Variants in TXNDC16 observed in about 807,000 individuals in gnomAD.
The protein encoded by TXNDC16 is thioredoxin domain-containing protein 16.
Under a neutral mutation model 85.6 loss-of-function variants are expected in TXNDC16, and 74 were observed. The observed-to-expected ratio is 0.86, with a 90% confidence interval of 0.72 to 1.05. The LOEUF (loss-of-function observed/expected upper bound fraction) is 1.05, where lower values mean the gene tolerates loss of function less well. Among genes scored for constraint, TXNDC16 ranks in the 50% least tolerant of loss-of-function variants. The pLI is 0.00. For synonymous variants in TXNDC16, 335 were observed against 326.5 expected (o/e 1.03, Z -0.28); for missense variants, 959 against 947.0 (o/e 1.01, Z -0.17).
chr14:52,490,860 G>C lies in TXNDC16; in HGVS notation c.902C>G (p.Ala301Gly), dbSNP rs1034630099. The stretch of plus-strand genomic sequence containing the variant: ...ATACCTTAACAAGAGTAGAACTCCT[G>C]CTTTTCCCAGAAGACGCCAAGCAAC... Reference protein sequence around the residue: ...EWVAWRLLGKAGVLLLLRDSL... With the variant: ...EWVAWRLLGKGGVLLLLRDSL... Residue 301 changes from alanine (A) to glycine (G), a missense_variant, in exon 10 of 21, where the codon GCA becomes GGA. Physicochemically the swap from Ala to Gly is moderately conservative, Grantham distance 60. Transcript: ENST00000281741. The C allele has an allele frequency of 6.2e-7, 1 of 1,611,874 alleles. No individual in the cohort carries two copies. The highest frequency in any genetic ancestry group is 8.5e-7 in the Non-Finnish European group (1 of 1,179,444).
intron 18 of TXNDC16, among the ~76,000 whole-genome samples, chr14:52,450,888 C>T (rs759477089): frequency 1.7e-4 from 26 of 150,404 alleles, no homozygotes; most frequent in Non-Finnish European, 3.8e-4. Context: ...TATACACACA[C>T]ACACACATAC....
In TXNDC16 at chr14:52,470,093, A is replaced by G; in HGVS notation, c.1562T>C (p.Leu521Pro). Residue 521 changes from leucine to proline, a missense_variant, in exon 16 of 21, where the codon CTC (leucine) becomes CCC (proline). Physicochemically the swap from Leu to Pro is moderately conservative, Grantham distance 98. Transcript: ENST00000281741. The part of the protein sequence containing the change: ...EYLSGELYKD[L>P]ILYSSVSVLG... The stretch of plus-strand genomic sequence containing the variant: ...TACTGACACACTAGAATACAAGATG[A>G]GGTCTTTATATAATTCCCCACTTAA... 1 of 1,611,284 alleles carries G rather than the reference A, an allele frequency of 6.2e-7. No homozygotes were observed.
At chr14:52,474,865 C>T (rs559574731) in intron 14 of TXNDC16, among the ~76,000 whole-genome samples, 3 of 152,262 alleles carry the variant, frequency 2.0e-5, no homozygotes, top group South Asian at 4.1e-4. Flanking sequence ...TGTGGAGGCT[C>T]GCCTCATGAA....
chr14:52,495,594 C>T lies in TXNDC16; in HGVS notation c.757-4589G>A, dbSNP rs186551337. Among the ~76,000 whole-genome samples, 609 of 152,212 alleles carry T rather than the reference C, an allele frequency of 4.0e-3. 1 individual carries two copies. Among genetic ancestry groups the T allele is most frequent in the Non-Finnish European group, 6.5e-3 (444 of 67,996 alleles). On this transcript the variant is annotated intron_variant, in intron 9 of 20. Transcript: ENST00000281741. ...TTATGGGATGGGAGGTACTGTTGGACTTTGTGAGTCTTGGAGAAAGGAGTG... is the reference window on the plus strand; with the variant it reads ...TTATGGGATGGGAGGTACTGTTGGATTTTGTGAGTCTTGGAGAAAGGAGTG...
rs2034888236 is a variant in TXNDC16, at chr14:52,431,302, TC to T, written c.*1001del. On this transcript the variant is annotated 3_prime_UTR_variant, in exon 21 of 21. Coordinates refer to ENST00000281741, the MANE Select transcript of TXNDC16 (RefSeq NM_020784.3). Reference sequence around the variant, plus strand: ...CATGAGGAGATGGCAGAATGCTGAATCCCTGTTCAATCTGAAATTTAGCCAT... The same window carrying T: ...CATGAGGAGATGGCAGAATGCTGAATCCTGTTCAATCTGAAATTTAGCCAT... The T allele has an allele frequency of 6.6e-6, 1 of 152,226 alleles. No individual in the cohort carries two copies. The highest frequency in any genetic ancestry group is 2.4e-5 in the African/African-American group (1 of 41,456). 9.4% of individuals were successfully genotyped at this position (152,226 alleles called of 1,614,324 possible).
At chr14:52,472,700 G>A (rs2035935883) in intron 14 of TXNDC16, among the ~76,000 whole-genome samples, 1 of 152,166 alleles carries the variant, frequency 6.6e-6, no homozygotes, top group Non-Finnish European at 1.5e-5. Context: ...GACCTGCTAA[G>A]TGACTTCCTA....
At chr14:52,467,367 T>C (rs2035801407) in intron 16 of TXNDC16, among the ~76,000 whole-genome samples, 2 of 152,096 alleles carry the variant, frequency 1.3e-5, no homozygotes, top group Non-Finnish European at 2.9e-5. Context: ...TGATAAAGGA[T>C]AATATCCAGA....
rs2035887740 is a variant in TXNDC16 at position 52,470,692 on chromosome 14, G to T, written c.1313-12C>A. ...CATAGTAGATGTGCCTAAATAAAAG[G>T]AAAATGCACATTTGTAATTACTAAT... On this transcript the variant is annotated splice_polypyrimidine_tract_variant and intron_variant, in intron 14 of 20. Coordinates refer to ENST00000281741, the MANE Select transcript of TXNDC16 (RefSeq NM_020784.3). 6.3e-7 allele frequency: 1 copy of T among 1,585,866 alleles called. No individual in the cohort carries two copies. Among genetic ancestry groups the T allele is most frequent in the East Asian group, 2.3e-5 (1 of 44,210 alleles).
intron 1 of TXNDC16, among the ~76,000 whole-genome samples, chr14:52,544,703 GA>G (rs150455237): frequency 5.4e-5 from 8 of 147,520 alleles, no homozygotes; most frequent in South Asian, 2.1e-4. Flanking sequence ...CGGTGTTCCT[GA>G]AAAAAAAAAT....
intron 14 of TXNDC16, among the ~76,000 whole-genome samples, chr14:52,479,201 A>T (rs780471602): frequency 4.6e-5 from 7 of 152,190 alleles, no homozygotes; most frequent in Non-Finnish European, 1.0e-4. Flanking sequence ...ACCCACAGCC[A>T]ACATAATACT....
intron 6 of TXNDC16, among the ~76,000 whole-genome samples, chr14:52,531,477 A>T (rs2037578719): frequency 6.6e-6 from 1 of 152,208 alleles, no homozygotes; most frequent in Non-Finnish European, 1.5e-5. Flanking sequence ...AATATTATTC[A>T]GTGATTTAAA....
chr14:52,455,541 C>A, intron 17 of TXNDC16, 79 bp from the exon 18 acceptor site: 1 of 1,512,646 alleles, frequency 6.6e-7, no homozygotes, highest in Non-Finnish European at 8.9e-7. Flanking sequence ...TAGGAGGTCA[C>A]AGTGTGAGGC....
chr14:52,551,569 G>A (rs952257330), intron 1 of TXNDC16, among the ~76,000 whole-genome samples: 3 of 151,874 alleles, frequency 2.0e-5, no homozygotes, highest in Non-Finnish European at 4.4e-5. Flanking sequence ...CTTTCACAAG[G>A]ATACTGAATT....
At position 52,524,976 on chromosome 14, in the gene TXNDC16, G is replaced by T. The variant is rs186643670; in HGVS notation, c.393-5683C>A. 1.5e-4 allele frequency among the ~76,000 whole-genome samples: 23 copies of T among 151,978 alleles called. 1 individual carries two copies. In the East Asian group the frequency reaches 3.1e-3, roughly 21 times the overall value. On this transcript the variant is annotated intron_variant, in intron 6 of 20. Coordinates refer to ENST00000281741, the MANE Select transcript of TXNDC16 (RefSeq NM_020784.3). The stretch of plus-strand genomic sequence containing the variant: ...TCTCTACTAAAAATACAAAAAATTA[G>T]CCGGGCATGGTGGCAAGCGCCTGTA...
At chr14:52,446,581 T>C (rs919670337) in intron 18 of TXNDC16, among the ~76,000 whole-genome samples, 1 of 152,088 alleles carries the variant, frequency 6.6e-6, no homozygotes, top group African/African-American at 2.4e-5. Flanking sequence ...CCTACTGAGA[T>C]ACCAGCCAGG....
intron 8 of TXNDC16, among the ~76,000 whole-genome samples, chr14:52,512,580 T>C (rs999416117): frequency 9.9e-5 from 15 of 152,156 alleles, no homozygotes; most frequent in Non-Finnish European, 1.6e-4. Flanking sequence ...AAGGCTGGAC[T>C]CCATAACACA....
chr14:52,457,210 TTTATAATTATG>T, intron 16 of TXNDC16, 36 bp from the exon 17 acceptor site: 1 of 1,236,506 alleles, frequency 8.1e-7, no homozygotes, highest in Non-Finnish European at 1.1e-6. Flanking sequence ...ATCTGAAACC[TTTATAATTATG>T]TATGCTATTC....
chr14:52,530,519 TA>T (rs1322209046), intron 6 of TXNDC16, among the ~76,000 whole-genome samples: 14 of 11,938 alleles, frequency 1.2e-3, no homozygotes, highest in South Asian at 6.4e-3. Context: ...TATTATTATA[TA>T]ATATTATATA....
chr14:52,440,640 G>C lies in TXNDC16; in HGVS notation c.1927C>G (p.Pro643Ala). The change falls in exon 19 of 21, where the codon CCT (proline) becomes GCT (alanine). Residue 643 changes from proline to alanine, a missense_variant. By Grantham distance (27) the Pro-to-Ala change is conservative (BLOSUM62 -1). Transcript: ENST00000281741. ...GTCAATATTGCTTTTTTATACTGAG[G>C]ATTTACAGTGCCATCACTGAACAAA... ...LILFSDGTVN[P>A]QYKKAILTLV... 1.9e-6 allele frequency: 3 copies of C among 1,610,412 alleles called. No individual in the cohort carries two copies. Among genetic ancestry groups the C allele is most frequent in the Non-Finnish European group, 2.5e-6 (3 of 1,178,842 alleles).
Sources: allele counts gnomAD v4.1 joint callset (sites outside exome capture counted in the v4.1 genomes callset), GRCh38; gene constraint gnomAD v4.1.1; transcripts MANE v1.5; gene names NCBI Gene and HGNC (gene_info 2026-07-23, HGNC 2026-07-21).